The following LY96 variants were observed in gnomAD, a reference collection of about 807,000 sequenced individuals.
The protein encoded by LY96 is myeloid differentiation protein-2.
Under a neutral mutation model 18.9 loss-of-function variants are expected in LY96, and 18 were observed. The ratio of observed to expected loss-of-function variants is 0.95; its 90% CI spans 0.66 to 1.41. The LOEUF (loss-of-function observed/expected upper bound fraction) is 1.41. Ranked by LOEUF, LY96 falls within the 40% of genes most tolerant of loss-of-function variation. The pLI, the probability that LY96 is intolerant of heterozygous loss-of-function variation, is 0.00. For missense variants in LY96, 175 were observed against 182.4 expected, an observed-to-expected ratio of 0.96 and a Z score of 0.23; for synonymous variants, 66 against 62.6, an observed-to-expected ratio of 1.06 and a Z score of -0.26.
At chr8:74,049,669 G>A in the LY96 span, among the ~76,000 whole-genome samples, 1 of 152,146 alleles carries the variant, frequency 6.6e-6, no homozygotes, top group Non-Finnish European at 1.5e-5. Flanking sequence ...GGGCATTCAC[G>A]CAATTCTACA....
intron 1 of LY96, among the ~76,000 whole-genome samples, chr8:74,000,708 G>GT (rs1298336500): frequency 6.6e-6 from 1 of 152,086 alleles, no homozygotes; most frequent in Non-Finnish European, 1.5e-5. Context: ...ATCTTCATCT[G>GT]TTTTTTGCTG....
At chr8:74,073,888 G>T in the LY96 span, among the ~76,000 whole-genome samples, 2 of 151,868 alleles carry the variant, frequency 1.3e-5, no homozygotes, top group Admixed American at 6.6e-5. Flanking sequence ...GAACCTCTGA[G>T]CTCAAGTGAT....
the LY96 span, among the ~76,000 whole-genome samples, chr8:74,041,140 T>C: frequency 1.6e-4 from 25 of 152,334 alleles, no homozygotes; most frequent in African/African-American, 6.0e-4. Flanking sequence ...ATAATACTTT[T>C]ATAATTTCTT....
chr8:74,079,869 G>T, the LY96 span, among the ~76,000 whole-genome samples: 2 of 152,048 alleles, frequency 1.3e-5, no homozygotes, highest in African/African-American at 4.8e-5. Context: ...GATTCTTAAA[G>T]ACAGAGACTT....
At position 74,004,780 on chromosome 8, in the gene LY96, T is replaced by C. The variant is rs371091423; in HGVS notation, c.113-16T>C. On this transcript the variant is annotated splice_polypyrimidine_tract_variant and intron_variant, in intron 1 of 4. Coordinates refer to ENST00000284818, the MANE Select transcript of LY96 (RefSeq NM_015364.5). ...GATTTGTAGTAATTTATTGACATTA[T>C]CTTTATTGCTTTTAGATAAAATGCA... 1.2e-4 allele frequency: 182 copies of C among 1,542,550 alleles called. No individual in the cohort carries two copies. Among genetic ancestry groups the C allele is most frequent in the Non-Finnish European group, 1.2e-4 (130 of 1,118,676 alleles).
At chr8:74,009,374 C>CAAAAAAAAAAAAAAAAAAAAAAAAAA (rs370593442) in intron 2 of LY96, among the ~76,000 whole-genome samples, 9 of 58,842 alleles carry the variant, frequency 1.5e-4, no homozygotes, top group Non-Finnish European at 1.5e-4. Flanking sequence ...CAGTCTTTCT[C>CAAAAAAAAAAAAAAAAAAAAAAAAAA]AAAAAAAAAA....
chr8:74,029,163 G>A, downstream of LY96: 1 of 690,446 alleles, frequency 1.4e-6, no homozygotes. Flanking sequence ...AGAAATGACT[G>A]TCATGAAGAA....
chr8:74,048,026 G>A, the LY96 span, among the ~76,000 whole-genome samples: 2 of 152,130 alleles, frequency 1.3e-5, no homozygotes, highest in Non-Finnish European at 2.9e-5. Context: ...AGCCTCCTGA[G>A]TGTGTGGGAC....
At chr8:73,993,015 C>A (rs532124047) in intron 1 of LY96, among the ~76,000 whole-genome samples, 2 of 151,226 alleles carry the variant, frequency 1.3e-5, no homozygotes, top group Non-Finnish European at 2.9e-5. Flanking sequence ...CCACCACACC[C>A]GGCTAATTTT....
chr8:74,080,598 AGTTT>A, the LY96 span, among the ~76,000 whole-genome samples: 4 of 152,220 alleles, frequency 2.6e-5, no homozygotes, highest in Non-Finnish European at 4.4e-5. Context: ...CTCCACTGTC[AGTTT>A]GTCACAGGAA....
At chr8:73,999,065 G>T (rs1212664742) in intron 1 of LY96, among the ~76,000 whole-genome samples, 1 of 151,662 alleles carries the variant, frequency 6.6e-6, no homozygotes, top group African/African-American at 2.4e-5. Flanking sequence ...CCACCTCCTG[G>T]GCTAAAGCAA....
downstream of LY96, among the ~76,000 whole-genome samples, chr8:74,032,537 C>T (rs111601149): frequency 3.1e-3 from 476 of 152,276 alleles, 4 homozygotes; most frequent in Middle Eastern, 6.8e-3. Context: ...CCCTCTTACG[C>T]GGACCCCCTT....
the LY96 span, among the ~76,000 whole-genome samples, chr8:74,084,763 G>A: frequency 6.6e-6 from 1 of 152,198 alleles, no homozygotes; most frequent in East Asian, 1.9e-4. Context: ...ACAGGCGCCT[G>A]CCACCACGCC....
chr8:74,017,789 C>T (rs201783058), intron 3 of LY96, among the ~76,000 whole-genome samples: 4 of 152,094 alleles, frequency 2.6e-5, no homozygotes, highest in African/African-American at 9.7e-5. Context: ...GAATTTCATA[C>T]CCAGCCAAAC....
the LY96 span, among the ~76,000 whole-genome samples, chr8:74,092,478 T>G: frequency 6.6e-6 from 1 of 152,182 alleles, no homozygotes; most frequent in East Asian, 1.9e-4. Context: ...TATCAACATC[T>G]GGGTCACTCC....
At chr8:74,047,380 G>T in the LY96 span, among the ~76,000 whole-genome samples, 1 of 152,206 alleles carries the variant, frequency 6.6e-6, no homozygotes, top group African/African-American at 2.4e-5. Context: ...CTCTCACTGT[G>T]CTTCTGTCCC....
chr8:74,006,075 TTGTTCAACC>T (rs1267283942), intron 2 of LY96, among the ~76,000 whole-genome samples: 1 of 152,238 alleles, frequency 6.6e-6, no homozygotes, highest in Admixed American at 6.5e-5. Context: ...ATGATTCTAG[TTGTTCAACC>T]TGTTTTTTTG....
At chr8:74,037,282 AG>A in the LY96 span, among the ~76,000 whole-genome samples, 2 of 152,172 alleles carry the variant, frequency 1.3e-5, no homozygotes, top group South Asian at 4.1e-4. Flanking sequence ...TGACCATAAA[AG>A]GGAATTAGCC....
At chr8:74,095,433 CG>C in the LY96 span, among the ~76,000 whole-genome samples, 1 of 152,170 alleles carries the variant, frequency 6.6e-6, no homozygotes, top group East Asian at 1.9e-4. Flanking sequence ...ATGCCAGCCA[CG>C]GTGCCCCTTT....
Sources: gnomAD v4.1 joint callset for allele counts (sites outside exome capture counted in the v4.1 genomes callset) on GRCh38, gnomAD v4.1.1 for gene constraint, MANE v1.5 for transcripts, NCBI Gene and HGNC (gene_info 2026-07-23, HGNC 2026-07-21) for gene names.